The following AP2A1 variants were observed in gnomAD, a reference collection of about 807,000 sequenced individuals.
The protein encoded by AP2A1 is adaptor related protein complex 2 subunit alpha 1.
AP2A1 carries 21 observed loss-of-function variants against 107.3 expected under a neutral mutation model. The observed-to-expected ratio is 0.20, with a 90% CI of 0.14 to 0.28. AP2A1 has a LOEUF of 0.28. Ranked by LOEUF, AP2A1 falls within the 10% of genes least tolerant of loss-of-function variation. The probability of loss-of-function intolerance (pLI) is 1.00; values close to 1 mark genes in which losing one functional copy is unlikely to be tolerated. For missense variants in AP2A1, 873 were observed against 1,307.7 expected (o/e 0.67, Z 5.13); for synonymous variants, 602 against 564.8 (o/e 1.07, Z -0.93).
intron 5 of AP2A1, among the ~76,000 whole-genome samples, chr19:49,792,379 C>CA (rs2073157047): frequency 6.8e-6 from 1 of 146,136 alleles, no homozygotes; most frequent in Non-Finnish European, 1.5e-5. Context: ...CCTCAGCCCT[C>CA]ACGCCCCCTG....
At chr19:49,778,051 T>G (rs1201284873) in intron 1 of AP2A1, among the ~76,000 whole-genome samples, 1 of 152,158 alleles carries the variant, frequency 6.6e-6, no homozygotes, top group Non-Finnish European at 1.5e-5. Flanking sequence ...TTCTTTAAAT[T>G]TAAAGAATAT....
At position 49,803,393 on chromosome 19, in the gene AP2A1, G is replaced by T; in HGVS notation, c.2344+17G>T. 1 of 1,608,150 alleles carries T rather than the reference G, an allele frequency of 6.2e-7. No homozygotes were observed. Among genetic ancestry groups the T allele is most frequent in the South Asian group, 1.1e-5 (1 of 90,962 alleles). ...TCCAGACTCATATCCTCTCAGGCCC[G>T]GCCCAGCCTCCTGCCTCTCCACGTC... On this transcript the variant is annotated intron_variant, in intron 18 of 22. Coordinates refer to ENST00000354293, the MANE Select transcript of AP2A1 (RefSeq NM_130787.3).
At chr19:49,802,183 CA>C (rs1283374576) in intron 15 of AP2A1, 42 bp downstream of exon 15, 1 of 1,492,736 alleles carries the variant, frequency 6.7e-7, no homozygotes, top group Non-Finnish European at 9.0e-7. Flanking sequence ...CGGCCACCCC[CA>C]GGGCTGTCCC....
intron 1 of AP2A1, among the ~76,000 whole-genome samples, chr19:49,780,122 C>A (rs1273646): frequency 1.3e-5 from 2 of 152,344 alleles, no homozygotes; most frequent in East Asian, 3.9e-4. Context: ...CTGCCCCTTC[C>A]ATAACTAGAC....
chr19:49,802,786 G>A, intron 15 of AP2A1, 163 bp from the exon 16 acceptor site: 1 of 1,006,806 alleles, frequency 9.9e-7, no homozygotes, highest in African/African-American at 1.6e-5. Flanking sequence ...TCCCATTGGA[G>A]GCCACTGCTG....
chr19:49,778,385 C>A (rs2084638568), intron 1 of AP2A1, among the ~76,000 whole-genome samples: 1 of 151,964 alleles, frequency 6.6e-6, no homozygotes, highest in South Asian at 2.1e-4. Context: ...GAGTTTGAGA[C>A]CAGCCTGGCC....
At chr19:49,802,828 G>T in intron 15 of AP2A1, 121 bp from the exon 16 acceptor site, 1 of 1,228,060 alleles carries the variant, frequency 8.1e-7, no homozygotes, top group South Asian at 1.3e-5. Context: ...GGCTCTGTGA[G>T]GGGTCTGGAT....
chr19:49,774,677 C>CT (rs1288708683), intron 1 of AP2A1, among the ~76,000 whole-genome samples: 1 of 152,048 alleles, frequency 6.6e-6, no homozygotes, highest in East Asian at 1.9e-4. Context: ...AATCCCAGCA[C>CT]TTTGGGAGGC....
At position 49,793,022 on chromosome 19, in the gene AP2A1, C is replaced by T. The variant is rs1472713863; in HGVS notation, c.635C>T (p.Thr212Ile). ...GTCACGGCCGCCGTCAGCCTCATCA[C>T]CTGTCTCTGCAAGAAGAACCCAGAT... ...GVVTAAVSLI[T>I]CLCKKNPDDF... The change falls in exon 6 of 23, where the codon ACC becomes ATC. Residue 212 changes from threonine to isoleucine, a missense_variant. Thr to Ile is a moderately conservative substitution (Grantham distance 89, BLOSUM62 -1). Coordinates refer to ENST00000354293, the MANE Select transcript of AP2A1 (RefSeq NM_130787.3). 6.2e-7 allele frequency: 1 copy of T among 1,609,858 alleles called. No homozygotes were observed. The highest frequency in any genetic ancestry group is 1.1e-5 in the South Asian group (1 of 90,020).
chr19:49,799,474 C>T lies in AP2A1; in HGVS notation c.1113C>T (p.Asp371=), dbSNP rs2073249874. Residue 371 remains aspartate (D), a synonymous_variant, in exon 9 of 23, where the codon GAC becomes GAT. Transcript: ENST00000354293. ...FSHEAVKTHI[D]TVINALKTER... Reference sequence around the variant, plus strand: ...ATGAAGCCGTCAAGACGCACATTGACACCGTCATCAATGCCCTCAAGGTGT... The same window carrying T: ...ATGAAGCCGTCAAGACGCACATTGATACCGTCATCAATGCCCTCAAGGTGT... The T allele has an allele frequency of 5.0e-6, 8 of 1,611,584 alleles. No individual in the cohort carries two copies. The African/African-American group carries it at 5.3e-5, about 11-fold the overall frequency.
intron 1 of AP2A1, among the ~76,000 whole-genome samples, chr19:49,777,854 A>G (rs573633553): frequency 1.3e-5 from 2 of 152,028 alleles, no homozygotes; most frequent in African/African-American, 4.8e-5. Flanking sequence ...TTTGAGCCCA[A>G]GGGGCCAAGA....
chr19:49,780,438 G>A (rs369586848), intron 1 of AP2A1, among the ~76,000 whole-genome samples: 1 of 152,210 alleles, frequency 6.6e-6, no homozygotes, highest in African/African-American at 2.4e-5. Context: ...GAGGCAAGAG[G>A]ATGTGCGTGT....
chr19:49,782,765 G>A, intron 4 of AP2A1, 41 bp downstream of exon 4: 1 of 1,541,846 alleles, frequency 6.5e-7, no homozygotes, highest in South Asian at 1.2e-5. Context: ...GGGCCTGGGG[G>A]TGATGAGTCC....
intron 22 of AP2A1, 185 bp downstream of exon 22, chr19:49,806,438 TTCC>T: frequency 1.4e-6 from 2 of 1,435,238 alleles, no homozygotes; most frequent in South Asian, 3.0e-5. Context: ...ACCTCTGGTG[TTCC>T]TCTCCTCTTC....
chr19:49,803,079 CG>C, intron 16 of AP2A1, 27 bp from the exon 17 acceptor site: 1 of 1,613,618 alleles, frequency 6.2e-7, no homozygotes, highest in Non-Finnish European at 8.5e-7. Flanking sequence ...CAGGCACCCC[CG>C]TCATCTTGCG....
At chr19:49,803,551 G>C (rs575015504) in intron 18 of AP2A1, 175 bp downstream of exon 18, 14 of 629,164 alleles carry the variant, frequency 2.2e-5, no homozygotes, top group Admixed American at 1.2e-4. Context: ...CTTCCCCCAG[G>C]ACAGGGGATG....
chr19:49,777,434 G>A (rs2084627818), intron 1 of AP2A1, among the ~76,000 whole-genome samples: 2 of 148,680 alleles, frequency 1.3e-5, no homozygotes, highest in Admixed American at 1.3e-4. Flanking sequence ...AGGAGATTGA[G>A]ACCATCCTAG....
At chr19:49,780,121 C>A (rs192462438) in intron 1 of AP2A1, among the ~76,000 whole-genome samples, 200 of 152,328 alleles carry the variant, frequency 1.3e-3, no homozygotes, top group Non-Finnish European at 1.6e-3. Flanking sequence ...TCTGCCCCTT[C>A]CATAACTAGA....
intron 4 of AP2A1, among the ~76,000 whole-genome samples, chr19:49,787,540 A>G (rs1369329642): frequency 1.4e-5 from 2 of 146,550 alleles, no homozygotes; most frequent in African/African-American, 5.1e-5. Flanking sequence ...AGTAGAGACG[A>G]GGTTTGCCAT....
Sources: allele counts gnomAD v4.1 joint callset (sites outside exome capture counted in the v4.1 genomes callset), GRCh38; gene constraint gnomAD v4.1.1; transcripts MANE v1.5; gene names NCBI Gene and HGNC (gene_info 2026-07-23, HGNC 2026-07-21).